Variants in ACSL6 observed in about 807,000 individuals in gnomAD.
ACSL6 encodes the protein long-chain-fatty-acid--CoA ligase 6.
Under a neutral mutation model 98.2 loss-of-function variants are expected in ACSL6, and 47 were observed. That is an observed-to-expected ratio of 0.48 (90% CI 0.38 to 0.61). The LOEUF is 0.61. Among genes scored for constraint, ACSL6 ranks in the 20% least tolerant of loss-of-function variants. The probability of loss-of-function intolerance (pLI) is 0.00; values close to 1 mark genes in which losing one functional copy is unlikely to be tolerated. For synonymous variants in ACSL6, 362 were observed against 336.9 expected, an observed-to-expected ratio of 1.07 and a Z score of -0.82; for missense variants, 761 against 913.4, an observed-to-expected ratio of 0.83 and a Z score of 2.15.
At chr5:131,985,545 C>A in intron 8 of ACSL6, 87 bp from the exon 9 acceptor site, 1 of 1,404,114 alleles carries the variant, frequency 7.1e-7, no homozygotes, top group Non-Finnish European at 1.0e-6. Flanking sequence ...ACCAGCCAGG[C>A]CCATATGTAT....
rs533651619 is a variant in ACSL6, at chr5:132,000,807, G to A, written c.50-6556C>T. 3.3e-5 allele frequency among the ~76,000 whole-genome samples: 5 copies of A among 152,328 alleles called. No homozygotes were observed. The South Asian group carries it at 8.3e-4, about 25-fold the overall frequency. The stretch of plus-strand genomic sequence containing the variant: ...ATTTAACCCTGCTCCCTTGCTGCAA[G>A]AATGTCCCAGGACAGGACCCAGTGC... On this transcript the variant is annotated intron_variant, in intron 1 of 20. Transcript: ENST00000651883.
chr5:131,994,496 T>C, intron 1 of ACSL6: 2 of 517,352 alleles, frequency 3.9e-6, no homozygotes, highest in Non-Finnish European at 7.0e-6. Context: ...AATCATACGC[T>C]CAGGCCCTGG....
chr5:131,989,330 G>T, intron 5 of ACSL6, 77 bp downstream of exon 5: 1 of 1,368,110 alleles, frequency 7.3e-7, no homozygotes, highest in Non-Finnish European at 1.0e-6. Context: ...CCTACAAACA[G>T]TGAAAGCAGG....
chr5:131,989,376 C>A, intron 5 of ACSL6, 31 bp downstream of exon 5: 1 of 1,599,424 alleles, frequency 6.3e-7, no homozygotes, highest in Non-Finnish European at 8.6e-7. Flanking sequence ...CCCCACGAAT[C>A]CCTCTAAAAC....
chr5:131,989,152 C>T (rs1754365427), intron 5 of ACSL6, among the ~76,000 whole-genome samples: 1 of 152,120 alleles, frequency 6.6e-6, no homozygotes, highest in South Asian at 2.1e-4. Context: ...TGAGCCTGTT[C>T]CTCAGGTCTT....
chr5:131,959,652 T>C (rs1452117429), intron 19 of ACSL6, 45 bp from the exon 20 acceptor site: 1 of 1,576,880 alleles, frequency 6.3e-7, no homozygotes. Flanking sequence ...AGAACACATT[T>C]CAAAATGGAG....
chr5:131,975,468 G>A, intron 10 of ACSL6: 3 of 985,434 alleles, frequency 3.0e-6, no homozygotes, highest in Non-Finnish European at 3.6e-6. Flanking sequence ...TGGCTAGTCA[G>A]CACTTTCTAG....
chr5:131,977,332 A>C (rs1464510900), intron 9 of ACSL6, among the ~76,000 whole-genome samples: 1 of 152,184 alleles, frequency 6.6e-6, no homozygotes, highest in African/African-American at 2.4e-5. Flanking sequence ...CCCTTGAGGA[A>C]GTCAGGGGCT....
chr5:131,973,535 A>G, intron 11 of ACSL6, 135 bp from the exon 12 acceptor site: 1 of 882,866 alleles, frequency 1.1e-6, no homozygotes, highest in Non-Finnish European at 1.7e-6. Flanking sequence ...CTGCCATGAG[A>G]CACTGATGAA....
In ACSL6 at chr5:131,978,011, G is replaced by A. The variant is rs558829109; in HGVS notation, c.917-1290C>T. On this transcript the variant is annotated intron_variant, in intron 9 of 20. Coordinates refer to ENST00000651883, the MANE Select transcript of ACSL6 (RefSeq NM_001009185.3). ...CCCGAGCTAACTCAGCCCCTAATGG[G>A]ATCACTTGAAGTGCCTGATTGTGCT... Among the ~76,000 whole-genome samples the A allele has an allele frequency of 2.3e-3, 346 of 152,322 alleles. 1 individual carries two copies. Among genetic ancestry groups the A allele is most frequent in the Middle Eastern group, 3.4e-3 (1 of 294 alleles).
chr5:131,965,468 C>A (rs1036455696), intron 17 of ACSL6, among the ~76,000 whole-genome samples: 6 of 152,070 alleles, frequency 3.9e-5, no homozygotes, highest in Non-Finnish European at 5.9e-5. Context: ...GCCTGTAATC[C>A]CAGCACTTTG....
At chr5:131,994,481 C>A in intron 1 of ACSL6, 1 of 545,680 alleles carries the variant, frequency 1.8e-6, no homozygotes. Context: ...CCCACTTTTC[C>A]TGAGAATCAT....
intron 10 of ACSL6, 184 bp from the exon 11 acceptor site, chr5:131,975,154 G>T (rs559022841): frequency 3.5e-5 from 49 of 1,386,742 alleles, no homozygotes; most frequent in Non-Finnish European, 4.5e-5. Flanking sequence ...GAGAGAGAGG[G>T]AGAGAGAGAG....
chr5:131,982,504 A>T (rs1753959377), intron 9 of ACSL6: 1 of 152,154 alleles, frequency 6.6e-6, no homozygotes, highest in Non-Finnish European at 1.5e-5. Context: ...TTACAACTTA[A>T]CCACAGACGA....
intron 17 of ACSL6, among the ~76,000 whole-genome samples, chr5:131,966,202 C>T (rs1042914084): frequency 6.6e-6 from 1 of 152,192 alleles, no homozygotes; most frequent in African/African-American, 2.4e-5. Context: ...CCACACCCAC[C>T]TGCACAGGTC....
chr5:131,973,149 G>A, intron 12 of ACSL6, 117 bp downstream of exon 12: 5 of 1,334,508 alleles, frequency 3.7e-6, no homozygotes, highest in Non-Finnish European at 5.1e-6. Context: ...AAGAGAGGAG[G>A]CAAGTTCCAG....
At chr5:131,973,480 C>A in intron 11 of ACSL6, 80 bp from the exon 12 acceptor site, 1 of 1,486,292 alleles carries the variant, frequency 6.7e-7, no homozygotes. Flanking sequence ...CAAAGTGCTG[C>A]CCTACATGGA....
intron 1 of ACSL6, among the ~76,000 whole-genome samples, chr5:132,009,998 C>G (rs1438842609): frequency 6.6e-6 from 1 of 152,136 alleles, no homozygotes; most frequent in African/African-American, 2.4e-5. Flanking sequence ...TGAGACCATC[C>G]ATCACTCAGG....
At chr5:131,973,539 T>A in intron 11 of ACSL6, 139 bp from the exon 12 acceptor site, 1 of 833,302 alleles carries the variant, frequency 1.2e-6, no homozygotes, top group Non-Finnish European at 1.8e-6. Context: ...CATGAGACAC[T>A]GATGAATGCC....
Sources: allele counts gnomAD v4.1 joint callset (sites outside exome capture counted in the v4.1 genomes callset), GRCh38; gene constraint gnomAD v4.1.1; transcripts MANE v1.5; gene names NCBI Gene and HGNC (gene_info 2026-07-23, HGNC 2026-07-21).